Variants in TAFA4 observed in about 807,000 individuals in gnomAD.
TAFA4 encodes the protein chemokine-like protein TAFA-4.
Under a neutral mutation model 21.1 loss-of-function variants are expected in TAFA4, and 20 were observed. That is an observed-to-expected ratio of 0.95 (90% CI 0.67 to 1.38). The LOEUF is 1.38. TAFA4 is among the 40% of genes most tolerant of loss of function. The probability of loss-of-function intolerance (pLI) is 0.00; values close to 1 mark genes in which losing one functional copy is unlikely to be tolerated. For synonymous variants in TAFA4, 71 were observed against 67.4 expected, an observed-to-expected ratio of 1.05 and a Z score of -0.26; for missense variants, 211 against 180.9, an observed-to-expected ratio of 1.17 and a Z score of -0.95.
chr3:68,815,329 A>G (rs2106852675), intron 3 of TAFA4, among the ~76,000 whole-genome samples: 1 of 152,348 alleles, frequency 6.6e-6, no homozygotes, highest in African/African-American at 2.4e-5. Context: ...TCATTAAAGT[A>G]AAGAGCTTCT....
intron 3 of TAFA4, among the ~76,000 whole-genome samples, chr3:68,805,203 A>G (rs1703664888): frequency 6.6e-6 from 1 of 152,242 alleles, no homozygotes; most frequent in African/African-American, 2.4e-5. Context: ...ACATGAAAAA[A>G]TGCTCATCAT....
chr3:68,741,201 A>G (rs930019628), intron 4 of TAFA4, among the ~76,000 whole-genome samples: 6 of 152,184 alleles, frequency 3.9e-5, no homozygotes, highest in African/African-American at 1.4e-4. Context: ...GAATTTTGTT[A>G]GGGATTGTAT....
intron 1 of TAFA4, among the ~76,000 whole-genome samples, chr3:68,917,753 C>CAAAAAAAAAAA (rs55853026): frequency 2.2e-3 from 127 of 58,108 alleles, no homozygotes; most frequent in Middle Eastern, 0.013. Context: ...GACTCTGTCT[C>CAAAAAAAAAAA]AAAAAAAAAA....
intron 3 of TAFA4, among the ~76,000 whole-genome samples, chr3:68,873,057 C>A (rs2089501793): frequency 6.6e-6 from 1 of 151,982 alleles, no homozygotes; most frequent in South Asian, 2.1e-4. Context: ...CAAGGCTGAT[C>A]TTTCATCACA....
chr3:68,804,134 T>C (rs1703634621), intron 3 of TAFA4, among the ~76,000 whole-genome samples: 1 of 152,074 alleles, frequency 6.6e-6, no homozygotes, highest in African/African-American at 2.4e-5. Context: ...AAACAAGGTG[T>C]AACCCACTGC....
At chr3:68,779,738 T>A (rs1423566961) in intron 3 of TAFA4, among the ~76,000 whole-genome samples, 1 of 152,216 alleles carries the variant, frequency 6.6e-6, no homozygotes, top group Non-Finnish European at 1.5e-5. Flanking sequence ...AGAAGTTTGC[T>A]GCAGGGGCGG....
chr3:68,776,482 G>C (rs1703051963), intron 3 of TAFA4, among the ~76,000 whole-genome samples: 1 of 152,198 alleles, frequency 6.6e-6, no homozygotes, highest in African/African-American at 2.4e-5. Context: ...AAGCCTGAAA[G>C]TGTATGCTGT....
chr3:68,794,468 C>T (rs886150401), intron 3 of TAFA4, among the ~76,000 whole-genome samples: 1 of 152,190 alleles, frequency 6.6e-6, no homozygotes, highest in Non-Finnish European at 1.5e-5. Context: ...ACAACAGGGA[C>T]AGCTCTAGCC....
rs200117809 is a variant in TAFA4, at chr3:68,739,102, G to C, written c.384C>G (p.Ser128Arg). Residue 128 changes from serine to arginine, a missense_variant, in exon 5 of 6, where the codon AGC becomes AGG. By Grantham distance (110) the Ser-to-Arg change is moderately radical. Transcript: ENST00000295569. ...VLPDYSGWSCSSGNKVKTTKV... is the reference protein window; with the variant it reads ...VLPDYSGWSCRSGNKVKTTKV... ...TCGTAGTTTTGACTTTATTGCCACT[G>C]CTACAGGACCAACCTGAGTAATCTG... The C allele has an allele frequency of 6.2e-7, 1 of 1,613,898 alleles. No individual in the cohort carries two copies. The highest frequency in any genetic ancestry group is 1.3e-5 in the African/African-American group (1 of 75,020).
intron 3 of TAFA4, among the ~76,000 whole-genome samples, chr3:68,877,813 C>T (rs1001644296): frequency 6.6e-6 from 1 of 152,146 alleles, no homozygotes; most frequent in African/African-American, 2.4e-5. Flanking sequence ...TCCTGGAATG[C>T]GAACCTTTCC....
chr3:68,757,876 C>T (rs1469458125), intron 3 of TAFA4, among the ~76,000 whole-genome samples: 1 of 152,128 alleles, frequency 6.6e-6, no homozygotes, highest in Non-Finnish European at 1.5e-5. Flanking sequence ...TATCTCACAA[C>T]TGATGGCATC....
chr3:68,923,330 G>A (rs1559564681), intron 1 of TAFA4, among the ~76,000 whole-genome samples: 1 of 152,146 alleles, frequency 6.6e-6, no homozygotes, highest in Non-Finnish European at 1.5e-5. Context: ...GACTAAACGT[G>A]CCTTCCTTTG....
chr3:68,788,978 A>G (rs1703313461), intron 3 of TAFA4, among the ~76,000 whole-genome samples: 1 of 152,092 alleles, frequency 6.6e-6, no homozygotes. Context: ...TCACGCCTGT[A>G]ATCCCAGCAC....
At chr3:68,804,560 A>G in intron 3 of TAFA4, among the ~76,000 whole-genome samples, 1 of 152,224 alleles carries the variant, frequency 6.6e-6, no homozygotes, top group Non-Finnish European at 1.5e-5. Context: ...CTATACTACA[A>G]GGCTATAGTA....
intron 1 of TAFA4, among the ~76,000 whole-genome samples, chr3:68,917,964 TG>T (rs1261900406): frequency 6.6e-6 from 1 of 152,138 alleles, no homozygotes; most frequent in Non-Finnish European, 1.5e-5. Context: ...TACAATGAGC[TG>T]TAGTTTTCGA....
chr3:68,766,057 G>A (rs1222785088), intron 3 of TAFA4, among the ~76,000 whole-genome samples: 2 of 151,948 alleles, frequency 1.3e-5, no homozygotes, highest in Non-Finnish European at 2.9e-5. Flanking sequence ...AAACAGAAAA[G>A]ATAGAACTAG....
At chr3:68,779,257 A>C (rs1693792653) in intron 3 of TAFA4, among the ~76,000 whole-genome samples, 1 of 152,200 alleles carries the variant, frequency 6.6e-6, no homozygotes, top group Non-Finnish European at 1.5e-5. Flanking sequence ...TTTAAAAGGG[A>C]AACAGCATAA....
At chr3:68,747,651 C>T (rs756195538) in intron 4 of TAFA4, among the ~76,000 whole-genome samples, 105 of 152,248 alleles carry the variant, frequency 6.9e-4, no homozygotes, top group African/African-American at 2.4e-3. Context: ...CATGCATGCT[C>T]GCACACACAA....
intron 1 of TAFA4, among the ~76,000 whole-genome samples, chr3:68,929,578 G>C (rs1445306809): frequency 6.6e-6 from 1 of 152,040 alleles, no homozygotes; most frequent in Non-Finnish European, 1.5e-5. Flanking sequence ...CTATCTCTAG[G>C]ACAAAAAATA....
Sources: gnomAD v4.1 joint callset for allele counts (sites outside exome capture counted in the v4.1 genomes callset) on GRCh38, gnomAD v4.1.1 for gene constraint, MANE v1.5 for transcripts, NCBI Gene and HGNC (gene_info 2026-07-23, HGNC 2026-07-21) for gene names.